The following ACOXL variants were observed in gnomAD, a reference collection of about 807,000 sequenced individuals.
The protein encoded by ACOXL is acyl-CoA oxidase like.
In ACOXL, 70 loss-of-function variants were observed where a neutral mutation model predicts 71.9. The observed-to-expected ratio is 0.97, with a 90% CI of 0.80 to 1.19. ACOXL has a LOEUF of 1.19. ACOXL is among the 50% of genes most tolerant of loss of function. The pLI is 0.00. For missense variants in ACOXL, 703 were observed against 736.3 expected (o/e 0.95, Z 0.52); for synonymous variants, 253 against 281.6 (o/e 0.90, Z 1.02).
chr2:110,933,934 G>C (rs945714772), intron 12 of ACOXL, among the ~76,000 whole-genome samples: 1 of 152,212 alleles, frequency 6.6e-6, no homozygotes, highest in Non-Finnish European at 1.5e-5. Flanking sequence ...AAGGGCCACT[G>C]AAGGTTCAGA....
chr2:110,909,028 A>G, intron 11 of ACOXL, 123 bp downstream of exon 11: 2 of 713,176 alleles, frequency 2.8e-6, no homozygotes, highest in Non-Finnish European at 4.5e-6. Flanking sequence ...GTCTGTTGTT[A>G]AAATCGGATG....
chr2:110,890,819 TCGGTACATC>T (rs1697842634), intron 10 of ACOXL, among the ~76,000 whole-genome samples: 1 of 152,134 alleles, frequency 6.6e-6, no homozygotes, highest in Non-Finnish European at 1.5e-5. Flanking sequence ...CATGTGAATT[TCGGTACATC>T]TTGTTGATAT....
chr2:110,835,102 T>C (rs1690292042), intron 9 of ACOXL, among the ~76,000 whole-genome samples: 2 of 152,262 alleles, frequency 1.3e-5, no homozygotes, highest in Non-Finnish European at 2.9e-5. Flanking sequence ...AGTTCTGTGT[T>C]GATTTCCATT....
chr2:110,939,359 G>A (rs2060785207), intron 12 of ACOXL, among the ~76,000 whole-genome samples: 1 of 152,188 alleles, frequency 6.6e-6, no homozygotes, highest in African/African-American at 2.4e-5. Flanking sequence ...TCTCAGAGAT[G>A]ATTCTTAACT....
chr2:110,915,071 T>C (rs2059789211), intron 11 of ACOXL, among the ~76,000 whole-genome samples: 1 of 152,118 alleles, frequency 6.6e-6, no homozygotes, highest in Non-Finnish European at 1.5e-5. Context: ...TCACCCTGTT[T>C]TGCTATTAAA....
chr2:111,002,651 C>A (rs765672302), intron 14 of ACOXL, among the ~76,000 whole-genome samples: 12 of 152,178 alleles, frequency 7.9e-5, no homozygotes, highest in Non-Finnish European at 1.5e-4. Flanking sequence ...TCTCCACTAA[C>A]ACTTTATTTC....
At chr2:111,093,214 C>T (rs2068627227) in intron 17 of ACOXL, among the ~76,000 whole-genome samples, 2 of 149,578 alleles carry the variant, frequency 1.3e-5, no homozygotes, top group South Asian at 4.2e-4. Flanking sequence ...AAAATGTTTT[C>T]CTTGTCTTGG....
intron 5 of ACOXL, 63 bp from the exon 6 acceptor site, chr2:110,798,547 G>C: frequency 2.9e-6 from 4 of 1,371,766 alleles, no homozygotes; most frequent in Non-Finnish European, 3.1e-6. Context: ...TCATTGCTTT[G>C]AGCCAGGGAG....
At chr2:111,071,784 G>C (rs769991928) in intron 16 of ACOXL, among the ~76,000 whole-genome samples, 1 of 152,156 alleles carries the variant, frequency 6.6e-6, no homozygotes, top group Non-Finnish European at 1.5e-5. Context: ...AACTCCCTTC[G>C]TTCTGTTGTT....
At chr2:110,967,796 C>T in intron 12 of ACOXL, 1 of 741,078 alleles carries the variant, frequency 1.3e-6, no homozygotes, top group East Asian at 2.5e-5. Context: ...GCCTGCAGGT[C>T]TCTGTTGAGC....
At chr2:110,845,509 A>T (rs944632247) in intron 10 of ACOXL, among the ~76,000 whole-genome samples, 1 of 152,188 alleles carries the variant, frequency 6.6e-6, no homozygotes, top group African/African-American at 2.4e-5. Context: ...CTGCTGTGCA[A>T]TCAACACCAC....
intron 11 of ACOXL, 100 bp from the exon 12 acceptor site, chr2:110,933,389 T>C: frequency 7.3e-7 from 1 of 1,379,036 alleles, no homozygotes; most frequent in South Asian, 1.5e-5. Flanking sequence ...CATCATATTC[T>C]TTCCTCAAAT....
intron 15 of ACOXL, among the ~76,000 whole-genome samples, chr2:111,034,305 T>C (rs2065411273): frequency 6.6e-6 from 1 of 152,230 alleles, no homozygotes; most frequent in African/African-American, 2.4e-5. Flanking sequence ...TAATCACTAC[T>C]CTAGGAAAAC....
intron 9 of ACOXL, among the ~76,000 whole-genome samples, chr2:110,812,436 G>C (rs1448614587): frequency 6.6e-6 from 1 of 152,132 alleles, no homozygotes; most frequent in Non-Finnish European, 1.5e-5. Context: ...GTACCCAATA[G>C]TTACCTTTTC....
At chr2:110,897,270 A>G (rs1048166221) in intron 10 of ACOXL, among the ~76,000 whole-genome samples, 1 of 152,238 alleles carries the variant, frequency 6.6e-6, no homozygotes, top group Non-Finnish European at 1.5e-5. Context: ...TGCTAAATGC[A>G]TATATTAGAA....
intron 9 of ACOXL, among the ~76,000 whole-genome samples, chr2:110,813,091 T>TC (rs1252665845): frequency 6.6e-6 from 1 of 152,116 alleles, no homozygotes; most frequent in Admixed American, 6.5e-5. Flanking sequence ...ATCCAGCCCT[T>TC]CCCCAATGAG....
chr2:110,776,516 G>A (rs1285313552), intron 2 of ACOXL, among the ~76,000 whole-genome samples: 2 of 152,156 alleles, frequency 1.3e-5, no homozygotes, highest in Admixed American at 6.5e-5. Context: ...AGGTGACATT[G>A]GAGCAGATGC....
chr2:111,033,211 G>A (rs1484068196), intron 15 of ACOXL, among the ~76,000 whole-genome samples: 1 of 152,154 alleles, frequency 6.6e-6, no homozygotes, highest in Non-Finnish European at 1.5e-5. Flanking sequence ...GGGACCAGGA[G>A]CATCAGGGAC....
At chr2:111,004,321 C>T (rs1280077593) in intron 14 of ACOXL, among the ~76,000 whole-genome samples, 1 of 151,734 alleles carries the variant, frequency 6.6e-6, no homozygotes, top group East Asian at 1.9e-4. Context: ...TGGCCAAACC[C>T]TTCTAGGCAC....
Sources: allele counts gnomAD v4.1 joint callset (sites outside exome capture counted in the v4.1 genomes callset), GRCh38; gene constraint gnomAD v4.1.1; transcripts MANE v1.5; gene names NCBI Gene and HGNC (gene_info 2026-07-23, HGNC 2026-07-21).